RCAN2: variants seen among roughly 807,000 people sequenced by gnomAD.
RCAN2 encodes the protein calcipressin-2.
Under a neutral mutation model 23.6 loss-of-function variants are expected in RCAN2, and 9 were observed. The ratio of observed to expected loss-of-function variants is 0.38; its 90% CI spans 0.23 to 0.67. The LOEUF is 0.67. RCAN2 is among the 30% of genes least tolerant of loss of function. The pLI, the probability that RCAN2 is intolerant of heterozygous loss-of-function variation, is 0.51. For synonymous variants in RCAN2, 109 were observed against 115.7 expected (o/e 0.94, Z 0.37); for missense variants, 273 against 302.3 (o/e 0.90, Z 0.72).
chr6:46,460,342 G>A (rs1348139224), intron 1 of RCAN2, among the ~76,000 whole-genome samples: 2 of 152,210 alleles, frequency 1.3e-5, no homozygotes, highest in African/African-American at 2.4e-5. Context: ...GATTACAGAT[G>A]TCAGACACTG....
At chr6:46,432,543 T>A (rs935604470) in intron 2 of RCAN2, among the ~76,000 whole-genome samples, 1 of 152,068 alleles carries the variant, frequency 6.6e-6, no homozygotes, top group African/African-American at 2.4e-5. Flanking sequence ...AATATATAAA[T>A]AAATAATTTG....
intron 2 of RCAN2, among the ~76,000 whole-genome samples, chr6:46,376,224 C>T (rs1765455672): frequency 6.6e-6 from 1 of 152,204 alleles, no homozygotes; most frequent in Admixed American, 6.5e-5. Flanking sequence ...CACAGCCCTC[C>T]CCAACTTCTG....
chr6:46,287,164 G>A (rs139577385), intron 2 of RCAN2, among the ~76,000 whole-genome samples: 4 of 152,246 alleles, frequency 2.6e-5, no homozygotes, highest in Non-Finnish European at 4.4e-5. Context: ...TGCCTGAAAC[G>A]GAGGCTAACA....
In RCAN2 at chr6:46,246,771, T is replaced by C; in HGVS notation, c.548A>G (p.Tyr183Cys). ...ACCTGGTCCTAGTTTGGCCACAGCA[T>C]AGAGGAGGTCATAGTTGAGGACTGG... ...ATPVLNYDLL[Y>C]AVAKLGPGEK... The change falls in exon 4 of 5, where the codon TAT (tyrosine) becomes TGT (cysteine). Residue 183 changes from tyrosine to cysteine, a missense_variant. Coordinates refer to ENST00000371374, the MANE Select transcript of RCAN2 (RefSeq NM_001251974.2). 1 of 1,613,670 alleles carries C rather than the reference T, an allele frequency of 6.2e-7. No individual in the cohort carries two copies. Among genetic ancestry groups the C allele is most frequent in the Non-Finnish European group, 8.5e-7 (1 of 1,179,824 alleles).
At chr6:46,405,824 T>A (rs1766384208) in intron 2 of RCAN2, among the ~76,000 whole-genome samples, 1 of 152,074 alleles carries the variant, frequency 6.6e-6, no homozygotes, top group Non-Finnish European at 1.5e-5. Context: ...GGGGTGGTGC[T>A]CCTCTGGGAG....
chr6:46,247,428 G>C (rs2150317566), intron 3 of RCAN2, among the ~76,000 whole-genome samples: 1 of 152,274 alleles, frequency 6.6e-6, no homozygotes, highest in African/African-American at 2.4e-5. Flanking sequence ...CTTCTATCCA[G>C]ATCCAAGCTC....
At chr6:46,324,031 G>T (rs1038013933) in intron 2 of RCAN2, among the ~76,000 whole-genome samples, 1 of 152,152 alleles carries the variant, frequency 6.6e-6, no homozygotes, top group Non-Finnish European at 1.5e-5. Flanking sequence ...AGTGGTTACT[G>T]GAAGATGTCT....
At chr6:46,417,114 C>T (rs1227909338) in intron 2 of RCAN2, among the ~76,000 whole-genome samples, 2 of 152,166 alleles carry the variant, frequency 1.3e-5, no homozygotes, top group African/African-American at 4.8e-5. Context: ...CAAGTAAATG[C>T]ATAGATGGAG....
chr6:46,248,646 A>G, intron 3 of RCAN2, 77 bp downstream of exon 3: 1 of 1,169,626 alleles, frequency 8.5e-7, no homozygotes, highest in Non-Finnish European at 1.2e-6. Flanking sequence ...GAAAATAGAA[A>G]GGGCTTCATT....
At chr6:46,445,313 A>C (rs1332167068) in intron 2 of RCAN2, among the ~76,000 whole-genome samples, 6 of 152,116 alleles carry the variant, frequency 3.9e-5, no homozygotes, top group Non-Finnish European at 8.8e-5. Flanking sequence ...TATGGACTCA[A>C]GCACCAGGCC....
intron 2 of RCAN2, among the ~76,000 whole-genome samples, chr6:46,301,503 A>T (rs2150351297): frequency 6.6e-6 from 1 of 152,270 alleles, no homozygotes; most frequent in Admixed American, 6.5e-5. Flanking sequence ...TCATTCATTC[A>T]ACAAACATCT....
intron 1 of RCAN2, among the ~76,000 whole-genome samples, chr6:46,488,327 T>A (rs1769050561): frequency 6.6e-6 from 1 of 152,144 alleles, no homozygotes; most frequent in South Asian, 2.1e-4. Context: ...CCTCATAAGG[T>A]TAGTGGGAAG....
At chr6:46,457,305 TA>T (rs1187349925) in intron 1 of RCAN2, among the ~76,000 whole-genome samples, 1 of 152,216 alleles carries the variant, frequency 6.6e-6, no homozygotes, top group Non-Finnish European at 1.5e-5. Flanking sequence ...GGCACTATTC[TA>T]AATGATTTAT....
At chr6:46,393,362 G>A (rs1178052830) in intron 2 of RCAN2, among the ~76,000 whole-genome samples, 3 of 152,086 alleles carry the variant, frequency 2.0e-5, no homozygotes, top group Admixed American at 6.6e-5. Flanking sequence ...TTGATCCATG[G>A]TGTTGCAAGA....
At chr6:46,423,055 G>A (rs1305066276) in intron 2 of RCAN2, among the ~76,000 whole-genome samples, 2 of 152,122 alleles carry the variant, frequency 1.3e-5, no homozygotes, top group African/African-American at 2.4e-5. Context: ...TGGTTCCTGG[G>A]GAGGTCCAGG....
At chr6:46,233,739 T>C (rs1240685398) in intron 4 of RCAN2, among the ~76,000 whole-genome samples, 1 of 149,772 alleles carries the variant, frequency 6.7e-6, no homozygotes, top group Non-Finnish European at 1.5e-5. Context: ...TTTTTTTTTT[T>C]CTTGAGATGG....
At chr6:46,255,818 C>T (rs1433898980) in intron 2 of RCAN2, among the ~76,000 whole-genome samples, 20 of 152,048 alleles carry the variant, frequency 1.3e-4, no homozygotes, top group Non-Finnish European at 1.0e-4. Flanking sequence ...TCACAGAGAT[C>T]ATCTATAAAA....
intron 1 of RCAN2, among the ~76,000 whole-genome samples, chr6:46,481,800 A>T (rs1254319832): frequency 1.3e-5 from 2 of 152,166 alleles, no homozygotes; most frequent in African/African-American, 4.8e-5. Flanking sequence ...ATTTGGCAGC[A>T]TTTACATTGC....
intron 1 of RCAN2, among the ~76,000 whole-genome samples, chr6:46,459,979 A>G (rs1768162624): frequency 3.3e-5 from 5 of 152,172 alleles, no homozygotes; most frequent in Admixed American, 3.3e-4. Flanking sequence ...TCTGAAGATT[A>G]AGAGAACTTC....
Sources: gnomAD v4.1 joint callset for allele counts (sites outside exome capture counted in the v4.1 genomes callset) on GRCh38, gnomAD v4.1.1 for gene constraint, MANE v1.5 for transcripts, NCBI Gene and HGNC (gene_info 2026-07-23, HGNC 2026-07-21) for gene names.